PDE8B: variants seen among roughly 807,000 people sequenced by gnomAD.
The protein encoded by PDE8B is phosphodiesterase 8B.
In PDE8B, 26 loss-of-function variants were observed where a neutral mutation model predicts 101.3. The ratio of observed to expected loss-of-function variants is 0.26; its 90% CI spans 0.19 to 0.36. The LOEUF is 0.36. PDE8B is among the 10% of genes least tolerant of loss of function. The probability of loss-of-function intolerance (pLI) is 1.00; values close to 1 mark genes in which losing one functional copy is unlikely to be tolerated. For missense variants in PDE8B, 810 were observed against 1,163.1 expected, an observed-to-expected ratio of 0.70 and a Z score of 4.42; for synonymous variants, 424 against 429.3, an observed-to-expected ratio of 0.99 and a Z score of 0.15.
At chr5:77,393,455 T>A (rs1339765077) in intron 10 of PDE8B, among the ~76,000 whole-genome samples, 1 of 151,938 alleles carries the variant, frequency 6.6e-6, no homozygotes, top group Non-Finnish European at 1.5e-5. Context: ...TCTAAGTTTT[T>A]CTCTCTCCAG....
intron 7 of PDE8B, 50 bp downstream of exon 7, chr5:77,344,981 G>T (rs1313887331): frequency 1.7e-6 from 2 of 1,211,004 alleles, no homozygotes; most frequent in Non-Finnish European, 1.2e-6. Flanking sequence ...GAACCTTTCA[G>T]GTTTAAGCCA....
At chr5:77,341,233 A>T (rs1201083607) in intron 6 of PDE8B, among the ~76,000 whole-genome samples, 1 of 152,170 alleles carries the variant, frequency 6.6e-6, no homozygotes, top group African/African-American at 2.4e-5. Context: ...AGCCTGAATA[A>T]ACGTTGTGGT....
At chr5:77,162,147 G>A in the PDE8B span, among the ~76,000 whole-genome samples, 1 of 151,400 alleles carries the variant, frequency 6.6e-6, no homozygotes, top group Non-Finnish European at 1.5e-5. Context: ...ACAAAAAATT[G>A]GAAAATAAAA....
At chr5:77,189,677 G>A in the PDE8B span, among the ~76,000 whole-genome samples, 1 of 152,214 alleles carries the variant, frequency 6.6e-6, no homozygotes, top group African/African-American at 2.4e-5. Flanking sequence ...GCAGGAGGAA[G>A]TGAGCAGGAG....
At chr5:77,237,750 T>C (rs1754985891) in intron 1 of PDE8B, among the ~76,000 whole-genome samples, 1 of 152,218 alleles carries the variant, frequency 6.6e-6, no homozygotes, top group African/African-American at 2.4e-5. Context: ...TCTGAAAGCT[T>C]TTCTTTAGAA....
intron 10 of PDE8B, among the ~76,000 whole-genome samples, chr5:77,380,318 C>T (rs1787206698): frequency 6.6e-6 from 1 of 152,134 alleles, no homozygotes; most frequent in Admixed American, 6.6e-5. Flanking sequence ...ACCATTTGTA[C>T]CATTCCATTG....
At chr5:77,383,177 T>C (rs1355995023) in intron 10 of PDE8B, among the ~76,000 whole-genome samples, 1 of 152,272 alleles carries the variant, frequency 6.6e-6, no homozygotes, top group African/African-American at 2.4e-5. Flanking sequence ...TTTGCATTTC[T>C]CTAATGACCA....
At chr5:77,153,790 G>T in the PDE8B span, among the ~76,000 whole-genome samples, 1 of 152,008 alleles carries the variant, frequency 6.6e-6, no homozygotes, top group Non-Finnish European at 1.5e-5. Context: ...GGCCAGGCTG[G>T]TCTTGAACTC....
rs1191397472 is a variant in PDE8B, at chr5:77,211,416, G to T, written c.339+152G>T. Reference sequence around the variant, plus strand: ...GAGGAGTTTACTTTTCATTTGTGGAGATGATGGGAGCCCAGGAAATGTGGT... The same window carrying T: ...GAGGAGTTTACTTTTCATTTGTGGATATGATGGGAGCCCAGGAAATGTGGT... On this transcript the variant is annotated intron_variant, in intron 1 of 21. Transcript: ENST00000264917. The surrounding 1 kb of genome is among the most constrained non-coding windows in gnomAD (Gnocchi z 4.1). 2.7e-6 allele frequency: 2 copies of T among 736,602 alleles called. No homozygotes were observed. Among genetic ancestry groups the T allele is most frequent in the African/African-American group, 3.8e-5 (2 of 53,294 alleles). 45.6% of individuals were successfully genotyped at this position (736,602 alleles called of 1,614,324 possible). A position where few individuals can be genotyped will look rare whatever the true frequency, so the allele number is the denominator to read the frequency against.
the PDE8B span, among the ~76,000 whole-genome samples, chr5:77,109,322 G>A: frequency 6.6e-6 from 1 of 152,140 alleles, no homozygotes; most frequent in Non-Finnish European, 1.5e-5. Context: ...TGTTTTTGTT[G>A]TTTGTATTAA....
intron 14 of PDE8B, among the ~76,000 whole-genome samples, chr5:77,410,152 G>A (rs975589339): frequency 3.0e-4 from 45 of 152,364 alleles, no homozygotes; most frequent in African/African-American, 1.1e-3. Context: ...AGGGCAAGCT[G>A]GTGGTGTTAA....
intron 1 of PDE8B, among the ~76,000 whole-genome samples, chr5:77,239,343 T>C (rs1466119095): frequency 6.6e-6 from 1 of 152,258 alleles, no homozygotes; most frequent in East Asian, 1.9e-4. Context: ...GTGGCCAGTC[T>C]GTGACCTGAA....
intron 1 of PDE8B, among the ~76,000 whole-genome samples, chr5:77,226,356 C>T (rs1228919340): frequency 2.0e-5 from 3 of 152,072 alleles, no homozygotes; most frequent in Non-Finnish European, 2.9e-5. Context: ...CTGCATTTTC[C>T]TTTTTTCACT....
the PDE8B span, among the ~76,000 whole-genome samples, chr5:77,137,826 G>A: frequency 6.6e-6 from 1 of 152,084 alleles, no homozygotes; most frequent in Non-Finnish European, 1.5e-5. Flanking sequence ...TAAAGCCAAG[G>A]AGAGACTTTT....
intron 6 of PDE8B, among the ~76,000 whole-genome samples, chr5:77,343,349 G>A (rs1779558758): frequency 1.3e-5 from 2 of 152,186 alleles, no homozygotes; most frequent in Non-Finnish European, 2.9e-5. Flanking sequence ...ACGTGGTATA[G>A]CTTACTACAC....
chr5:77,105,142 TTC>T, the PDE8B span: 1 of 152,232 alleles, frequency 6.6e-6, no homozygotes, highest in African/African-American at 2.4e-5. Context: ...CTAAGTTTCA[TTC>T]TGTTATATAG....
rs186449908 is a variant in PDE8B at position 77,347,713 on chromosome 5, G to A, written c.877-1706G>A. 4.0e-3 allele frequency among the ~76,000 whole-genome samples: 604 copies of A among 152,302 alleles called. 3 individuals carry two copies. Among genetic ancestry groups the A allele is most frequent in the Non-Finnish European group, 6.1e-3 (416 of 68,024 alleles). On this transcript the variant is annotated intron_variant, in intron 7 of 21. Transcript: ENST00000264917. Reference sequence around the variant, plus strand: ...CACAGGCATCAGTGGCAGCTCTTGGGAGTGGACTAGGTAGGGGAATCAGGG... The same window carrying A: ...CACAGGCATCAGTGGCAGCTCTTGGAAGTGGACTAGGTAGGGGAATCAGGG...
At chr5:77,397,848 C>T (rs1185124571) in intron 10 of PDE8B, among the ~76,000 whole-genome samples, 1 of 152,142 alleles carries the variant, frequency 6.6e-6, no homozygotes, top group Non-Finnish European at 1.5e-5. Context: ...TTGCCCGTGA[C>T]TGCTAGCCAT....
the PDE8B span, among the ~76,000 whole-genome samples, chr5:77,100,986 T>A: frequency 6.9e-6 from 1 of 145,618 alleles, no homozygotes. Context: ...TTTTTTTTTT[T>A]TGAGATAAGG....
Sources: allele counts gnomAD v4.1 joint callset (sites outside exome capture counted in the v4.1 genomes callset), GRCh38; gene constraint gnomAD v4.1.1; non-coding constraint Gnocchi (gnomAD v3.1); transcripts MANE v1.5; gene names NCBI Gene and HGNC (gene_info 2026-07-23, HGNC 2026-07-21).